TMEM123: variants seen among roughly 807,000 people sequenced by gnomAD.
TMEM123 encodes the protein transmembrane protein 123.
In TMEM123, 16 loss-of-function variants were observed where a neutral mutation model predicts 19.7. The observed-to-expected ratio is 0.81, with a 90% CI of 0.55 to 1.23. TMEM123 has a LOEUF of 1.23. Among genes scored for constraint, TMEM123 ranks in the 50% most tolerant of loss-of-function variants. The pLI, the probability that TMEM123 is intolerant of heterozygous loss-of-function variation, is 0.00. For missense variants in TMEM123, 313 were observed against 257.8 expected, an observed-to-expected ratio of 1.21 and a Z score of -1.47; for synonymous variants, 118 against 99.4, an observed-to-expected ratio of 1.19 and a Z score of -1.12.
chr11:102,398,632 G>T lies in TMEM123; in HGVS notation c.*235C>A. ...AGATAGGACTTGTTTGTCTTACTATGAACTTGCTAAAACCATTGTATGAAC... is the reference window on the plus strand; with the variant it reads ...AGATAGGACTTGTTTGTCTTACTATTAACTTGCTAAAACCATTGTATGAAC... On this transcript the variant is annotated 3_prime_UTR_variant, in exon 5 of 5. Transcript: ENST00000398136. 1.9e-6 allele frequency: 1 copy of T among 515,354 alleles called. No individual in the cohort carries two copies. Among genetic ancestry groups the T allele is most frequent in the South Asian group, 3.1e-5 (1 of 31,990 alleles). The allele number at this position is 515,354 out of a possible 1,614,324, so 31.9% of individuals were successfully genotyped here.
chr11:102,448,643 C>T (rs1265495826), intron 2 of TMEM123, among the ~76,000 whole-genome samples, 169 bp downstream of exon 2: 1 of 152,176 alleles, frequency 6.6e-6, no homozygotes, highest in Admixed American at 6.5e-5. Context: ...TGAACTATCA[C>T]TTACTGATGT....
intron 2 of TMEM123, 92 bp downstream of exon 2, chr11:102,448,720 A>G: frequency 8.0e-7 from 1 of 1,251,190 alleles, no homozygotes; most frequent in Non-Finnish European, 1.2e-6. Context: ...AAAACAGGTC[A>G]GTGAACCAGC....
intron 2 of TMEM123, among the ~76,000 whole-genome samples, chr11:102,404,888 C>G (rs1038042923): frequency 6.6e-6 from 1 of 152,144 alleles, no homozygotes; most frequent in African/African-American, 2.4e-5. Flanking sequence ...GCTAAGCCAC[C>G]ATGCTCGGCC....
chr11:102,415,566 T>C (rs1952037725), intron 2 of TMEM123, among the ~76,000 whole-genome samples: 1 of 152,196 alleles, frequency 6.6e-6, no homozygotes. Context: ...AATCTGCTCA[T>C]TACTAACTTT....
intron 2 of TMEM123, among the ~76,000 whole-genome samples, chr11:102,404,936 G>A (rs1951942827): frequency 6.6e-6 from 1 of 152,112 alleles, no homozygotes; most frequent in African/African-American, 2.4e-5. Context: ...GTCAAAACAA[G>A]TTGGTTTTAA....
Position 102,411,621 on chromosome 11 carries a change from T to TA in TMEM123, c.158-9416dup, listed in dbSNP as rs759471160. Among the ~76,000 whole-genome samples, 13 of 151,314 alleles carry TA rather than the reference T, an allele frequency of 8.6e-5. No individual in the cohort carries two copies. The East Asian group carries it at 1.9e-3, about 23-fold the overall frequency. On this transcript the variant is annotated intron_variant, in intron 2 of 4. Transcript: ENST00000398136. ...ACACTAAATCCAGATAGGTAGTAGA[T>TA]AGAGTCAGAACTGAATTGGATTGTA...
chr11:102,452,728 C>T lies in TMEM123; in HGVS notation c.-105G>A. ...GGCGCCGGCTCCGCTTCCCCTTCGG[C>T]CGCGCACGTTTCCCCTCCCGCCGCT... is the stretch of plus-strand genomic sequence containing the variant. On this transcript the variant is annotated 5_prime_UTR_variant, in exon 1 of 5. Coordinates refer to ENST00000398136, the MANE Select transcript of TMEM123 (RefSeq NM_052932.3). 4.5e-6 allele frequency: 4 copies of T among 887,526 alleles called. No individual in the cohort carries two copies. Among genetic ancestry groups the T allele is most frequent in the Non-Finnish European group, 6.1e-6 (4 of 654,876 alleles). The allele number at this position is 887,526 out of a possible 1,614,324, so 55.0% of individuals were successfully genotyped here.
chr11:102,424,558 G>A (rs1952110878), intron 2 of TMEM123, among the ~76,000 whole-genome samples: 1 of 152,086 alleles, frequency 6.6e-6, no homozygotes, highest in African/African-American at 2.4e-5. Flanking sequence ...GCGTGGTGGC[G>A]CACACCTGTA....
At position 102,448,081 on chromosome 11, in the gene TMEM123, T is replaced by C. The variant is rs967284705; in HGVS notation, c.157+731A>G. Among the ~76,000 whole-genome samples, 36 of 152,240 alleles carry C rather than the reference T, an allele frequency of 2.4e-4. 1 individual carries two copies. The highest frequency in any genetic ancestry group is 8.7e-4 in the African/African-American group (36 of 41,468). On this transcript the variant is annotated intron_variant, in intron 2 of 4. Transcript: ENST00000398136. ...TGTATTCTTAGAACCTAGGATGTGC[T>C]AGCTCATTAGAGTCCATAAATATTC...
At chr11:102,438,342 G>A (rs372841587) in intron 2 of TMEM123, among the ~76,000 whole-genome samples, 6 of 152,074 alleles carry the variant, frequency 3.9e-5, no homozygotes, top group East Asian at 3.8e-4. Flanking sequence ...ATGAGCCACC[G>A]TGCCCAGTTT....
At chr11:102,438,146 C>T (rs1008221149) in intron 2 of TMEM123, among the ~76,000 whole-genome samples, 11 of 152,110 alleles carry the variant, frequency 7.2e-5, no homozygotes, top group Admixed American at 5.9e-4. Flanking sequence ...CTCTGCCACC[C>T]GGGATCATGC....
intron 2 of TMEM123, among the ~76,000 whole-genome samples, chr11:102,437,682 G>C (rs1857778829): frequency 1.3e-5 from 2 of 152,110 alleles, no homozygotes; most frequent in African/African-American, 4.8e-5. Flanking sequence ...GGGTGTATGA[G>C]AGTGCACAGT....
intron 2 of TMEM123, among the ~76,000 whole-genome samples, chr11:102,433,321 C>T (rs777820994): frequency 1.4e-4 from 21 of 151,970 alleles, no homozygotes; most frequent in Admixed American, 6.6e-5. Context: ...TGCATCAGCA[C>T]GATCTGGATA....
chr11:102,403,863 C>T (rs763763254), intron 2 of TMEM123, among the ~76,000 whole-genome samples: 3 of 152,138 alleles, frequency 2.0e-5, no homozygotes, highest in East Asian at 1.9e-4. Flanking sequence ...GGATGCTCCT[C>T]GGGTTTTCTA....
At chr11:102,448,588 T>C (rs1484355893) in intron 2 of TMEM123, among the ~76,000 whole-genome samples, 1 of 152,214 alleles carries the variant, frequency 6.6e-6, no homozygotes, top group African/African-American at 2.4e-5. Context: ...CTTTTTGTTT[T>C]AGAATTTATT....
rs551848883 is a variant in TMEM123 at position 102,397,063 on chromosome 11, A to G, written c.*1804T>C. 2 of 152,338 alleles carry G rather than the reference A, an allele frequency of 1.3e-5. No individual in the cohort carries two copies. The highest frequency in any genetic ancestry group is 3.9e-4 in the East Asian group (2 of 5,184). The allele number at this position is 152,338 out of a possible 1,614,324, so 9.4% of individuals were successfully genotyped here. ...CCAGTCAGGGCCAAGTTAGTAACAT[A>G]CAACTCAGCCATCAGCCCACCTCTC... On this transcript the variant is annotated 3_prime_UTR_variant, in exon 5 of 5. Coordinates refer to ENST00000398136, the MANE Select transcript of TMEM123 (RefSeq NM_052932.3).
intron 2 of TMEM123, among the ~76,000 whole-genome samples, chr11:102,437,523 C>A (rs73591519): frequency 1.3e-5 from 2 of 151,548 alleles, no homozygotes; most frequent in African/African-American, 4.9e-5. Flanking sequence ...TAGTTCACAT[C>A]GCAATAAAGA....
chr11:102,433,353 C>A (rs189412769), intron 2 of TMEM123, among the ~76,000 whole-genome samples: 13 of 152,040 alleles, frequency 8.6e-5, no homozygotes, highest in Admixed American at 7.9e-4. Flanking sequence ...CATAGGAAAT[C>A]ATTTTGGAAC....
In TMEM123 at chr11:102,452,633, G is replaced by A. The variant is rs1209102129; in HGVS notation, c.-10C>T. 1.3e-6 allele frequency: 2 copies of A among 1,502,422 alleles called. No individual in the cohort carries two copies. Among genetic ancestry groups the A allele is most frequent in the Non-Finnish European group, 1.8e-6 (2 of 1,123,718 alleles). The allele number at this position is 1,502,422 out of a possible 1,614,324, so 93.1% of individuals were successfully genotyped here. ...GCGCGCCGAGTCCCATTGTTCCGAG[G>A]GCAGGATGCGGCAGCCTCGTGGGCT... On this transcript the variant is annotated 5_prime_UTR_variant, in exon 1 of 5. Coordinates refer to ENST00000398136, the MANE Select transcript of TMEM123 (RefSeq NM_052932.3).
Sources: allele counts gnomAD v4.1 joint callset (sites outside exome capture counted in the v4.1 genomes callset), GRCh38; gene constraint gnomAD v4.1.1; transcripts MANE v1.5; gene names NCBI Gene and HGNC (gene_info 2026-07-23, HGNC 2026-07-21).